SLIT3: variants seen among roughly 807,000 people sequenced by gnomAD.
SLIT3 encodes slit homolog 3 protein.
A neutral mutation model predicts 184.0 loss-of-function variants in SLIT3; 68 were observed. The observed-to-expected ratio is 0.37, with a 90% confidence interval of 0.30 to 0.45. SLIT3 has a LOEUF of 0.45. SLIT3 is among the 20% of genes least tolerant of loss of function. The probability of loss-of-function intolerance (pLI) is 1.00; values close to 1 mark genes in which losing one functional copy is unlikely to be tolerated. For synonymous variants in SLIT3, 831 were observed against 828.6 expected, an observed-to-expected ratio of 1.00 and a Z score of -0.05; for missense variants, 1,707 against 2,026.0, an observed-to-expected ratio of 0.84 and a Z score of 3.02.
At chr5:169,046,749 A>G (rs1757636365) in intron 4 of SLIT3, among the ~76,000 whole-genome samples, 1 of 152,128 alleles carries the variant, frequency 6.6e-6, no homozygotes, top group Admixed American at 6.5e-5. Context: ...CATGTTCTTG[A>G]GAGTATTATG....
intron 4 of SLIT3, among the ~76,000 whole-genome samples, chr5:168,955,154 T>C (rs1235530013): frequency 3.9e-5 from 6 of 152,148 alleles, no homozygotes; most frequent in Non-Finnish European, 8.8e-5. Context: ...TTAATTTTGA[T>C]GTACAGATTT....
chr5:169,011,947 T>TA (rs1491218456), intron 4 of SLIT3, among the ~76,000 whole-genome samples: 2 of 46,504 alleles, frequency 4.3e-5, no homozygotes, highest in African/African-American at 7.0e-4. Flanking sequence ...TCTTTCTTGC[T>TA]TTTTTTTTTT....
intron 27 of SLIT3, among the ~76,000 whole-genome samples, chr5:168,699,448 C>T (rs1762155251): frequency 6.6e-6 from 1 of 152,200 alleles, no homozygotes; most frequent in Non-Finnish European, 1.5e-5. Context: ...GCCAAAGGAG[C>T]CCGTTCCCAA....
intron 4 of SLIT3, among the ~76,000 whole-genome samples, chr5:169,065,729 AT>A (rs1758330804): frequency 6.6e-6 from 1 of 152,202 alleles, no homozygotes; most frequent in Non-Finnish European, 1.5e-5. Context: ...CGGATAGCCC[AT>A]TCCATAGGAG....
At chr5:169,293,734 C>T (rs903675053) in intron 1 of SLIT3, among the ~76,000 whole-genome samples, 18 of 152,302 alleles carry the variant, frequency 1.2e-4, no homozygotes, top group Non-Finnish European at 2.6e-4. Context: ...CCACGCAGTA[C>T]AGAAGGCTCT....
At chr5:169,125,454 T>C (rs779101250) in intron 4 of SLIT3, among the ~76,000 whole-genome samples, 6 of 152,330 alleles carry the variant, frequency 3.9e-5, no homozygotes, top group South Asian at 4.2e-4. Flanking sequence ...AGGATGAAGA[T>C]ATAACCTATT....
chr5:169,000,329 T>C (rs971038322), intron 4 of SLIT3, among the ~76,000 whole-genome samples: 2 of 141,548 alleles, frequency 1.4e-5, no homozygotes, highest in African/African-American at 5.4e-5. Flanking sequence ...GAGGCAGAGG[T>C]TGCAGTGAGC....
intron 4 of SLIT3, among the ~76,000 whole-genome samples, chr5:169,037,439 G>A (rs923922508): frequency 2.0e-5 from 3 of 152,178 alleles, no homozygotes; most frequent in Admixed American, 2.0e-4. Context: ...TAACCAAACA[G>A]TGCTCAGTGG....
chr5:169,225,913 C>T (rs1053991762), intron 3 of SLIT3, among the ~76,000 whole-genome samples: 1 of 152,108 alleles, frequency 6.6e-6, no homozygotes, highest in Non-Finnish European at 1.5e-5. Flanking sequence ...TCTGGCTGCT[C>T]TAGTGTGGAG....
chr5:169,268,456 T>C (rs1265444750), intron 1 of SLIT3, among the ~76,000 whole-genome samples: 1 of 152,230 alleles, frequency 6.6e-6, no homozygotes, highest in Non-Finnish European at 1.5e-5. Context: ...GGCCCTCACT[T>C]GCAGGCGGAA....
chr5:169,253,049 G>C (rs1456947882), intron 1 of SLIT3, among the ~76,000 whole-genome samples: 3 of 151,386 alleles, frequency 2.0e-5, no homozygotes, highest in African/African-American at 7.3e-5. Flanking sequence ...GCAGTATTTA[G>C]ACTTCTCTGG....
At chr5:169,213,794 C>T (rs189809069) in intron 3 of SLIT3, among the ~76,000 whole-genome samples, 165 of 152,300 alleles carry the variant, frequency 1.1e-3, no homozygotes, top group Admixed American at 3.2e-3. Flanking sequence ...AAGAACAGTG[C>T]CTGGCACATG....
chr5:169,172,051 G>T (rs1024441132), intron 4 of SLIT3, among the ~76,000 whole-genome samples: 1 of 152,174 alleles, frequency 6.6e-6, no homozygotes, highest in African/African-American at 2.4e-5. Context: ...TGGGAAGGAG[G>T]TAGGGGGATA....
intron 26 of SLIT3, among the ~76,000 whole-genome samples, chr5:168,706,277 G>T (rs1190778921): frequency 6.6e-6 from 1 of 152,164 alleles, no homozygotes; most frequent in Non-Finnish European, 1.5e-5. Flanking sequence ...GATTCTTACG[G>T]CAAACCTATG....
chr5:168,814,426 C>G (rs1757263361), intron 8 of SLIT3, among the ~76,000 whole-genome samples: 1 of 146,976 alleles, frequency 6.8e-6, no homozygotes, highest in African/African-American at 2.4e-5. Context: ...AACAAACAAA[C>G]AAACACCCCA....
At chr5:169,159,018 C>T (rs150925012) in intron 4 of SLIT3, among the ~76,000 whole-genome samples, 2,579 of 152,208 alleles carry the variant, frequency 0.017, 67 homozygotes, top group African/African-American at 0.059. Flanking sequence ...CATGGTGGCT[C>T]ATGCCTGTAA....
At position 169,300,588 on chromosome 5, in the gene SLIT3, G is replaced by T. The variant is rs1034357212; in HGVS notation, c.122C>A (p.Ser41Tyr). The stretch of plus-strand genomic sequence containing the variant: ...CCCGTGGCAGTCCACGCTGGCAGCG[G>T]AGCAGGTACACTTGGTGGGGCAGGC... ...AVACPTKCTC[S>Y]AASVDCHGLG... Residue 41 changes from serine (S) to tyrosine (Y), a missense_variant, in exon 1 of 36, where the codon TCC becomes TAC. Ser to Tyr is a moderately radical substitution (Grantham distance 144). Transcript: ENST00000519560. This position sits in a 1 kb window ranked among gnomAD's most constrained non-coding sequence, Gnocchi z 4.1. The T allele has an allele frequency of 6.6e-7, 1 of 1,512,166 alleles. No individual in the cohort carries two copies. The highest frequency in any genetic ancestry group is 1.2e-5 in the South Asian group (1 of 81,340). The allele number at this position is 1,512,166 out of a possible 1,614,324, so 93.7% of individuals were successfully genotyped here. A position where few individuals can be genotyped will look rare whatever the true frequency, so the allele number is the denominator to read the frequency against.
At chr5:168,941,455 T>G (rs1762330843) in intron 4 of SLIT3, among the ~76,000 whole-genome samples, 1 of 152,222 alleles carries the variant, frequency 6.6e-6, no homozygotes, top group African/African-American at 2.4e-5. Flanking sequence ...ACATTCTTTG[T>G]AAAGTGCTTA....
intron 2 of SLIT3, among the ~76,000 whole-genome samples, chr5:169,246,272 A>G (rs1025115729): frequency 1.3e-5 from 2 of 152,058 alleles, no homozygotes; most frequent in Admixed American, 6.6e-5. Context: ...TGCTTCTCAC[A>G]TTTCTATTAC....
Sources: gnomAD v4.1 joint callset for allele counts (sites outside exome capture counted in the v4.1 genomes callset) on GRCh38, gnomAD v4.1.1 for gene constraint, Gnocchi (gnomAD v3.1) non-coding constraint, MANE v1.5 for transcripts, NCBI Gene and HGNC (gene_info 2026-07-23, HGNC 2026-07-21) for gene names.